NLGN4X: variants seen among roughly 807,000 people sequenced by gnomAD.
NLGN4X encodes neuroligin-4, X-linked.
NLGN4X carries 3 observed loss-of-function variants against 40.3 expected under a neutral mutation model. The ratio of observed to expected loss-of-function variants is 0.07; its 90% CI spans 0.03 to 0.19. The LOEUF (loss-of-function observed/expected upper bound fraction) is 0.19, where lower values mean the gene tolerates loss of function less well. Among genes scored for constraint, NLGN4X ranks in the 10% least tolerant of loss-of-function variants. The pLI is 1.00. For missense variants in NLGN4X, 382 were observed against 708.3 expected, an observed-to-expected ratio of 0.54 and a Z score of 5.23; for synonymous variants, 270 against 306.8, an observed-to-expected ratio of 0.88 and a Z score of 1.25.
chrX:6,003,669 A>C (rs1223042443), intron 3 of NLGN4X, among the ~76,000 whole-genome samples: 1 of 111,200 alleles, frequency 9.0e-6, no homozygotes, highest in East Asian at 2.8e-4. Context: ...AGGAAAACTT[A>C]TTTCTCTTTC....
At chrX:5,994,168 C>T (rs1441167698) in intron 3 of NLGN4X, among the ~76,000 whole-genome samples, 1 of 112,030 alleles carries the variant, frequency 8.9e-6, no homozygotes, top group Non-Finnish European at 1.9e-5. Context: ...GAAATTGCAA[C>T]AGACTGAACT....
At chrX:5,932,471 A>G (rs1472716638) in intron 3 of NLGN4X, among the ~76,000 whole-genome samples, 1 of 111,841 alleles carries the variant, frequency 8.9e-6, no homozygotes, top group African/African-American at 3.2e-5. Flanking sequence ...AAATTCTTCT[A>G]CGTTAAATAT....
In NLGN4X at chrX:6,177,920, G is replaced by C. The variant is rs1921001392; in HGVS notation, c.-305-26149C>G. Among the ~76,000 whole-genome samples, 3 of 110,527 alleles carry C rather than the reference G, an allele frequency of 2.7e-5. No individual in the cohort carries two copies. In the South Asian group the frequency reaches 1.2e-3, roughly 44 times the overall value. On this transcript the variant is annotated intron_variant, in intron 1 of 5. Transcript: ENST00000381095. ...GAATGGGATTAGTGCCCTCATAAAA[G>C]GGAACTCAGCTCCCTCACCCCTTCT...
At chrX:6,174,702 C>T (rs2040684047) in intron 1 of NLGN4X, among the ~76,000 whole-genome samples, 1 of 111,688 alleles carries the variant, frequency 9.0e-6, no homozygotes, top group Non-Finnish European at 1.9e-5. Flanking sequence ...AACAGAAAAC[C>T]AAATACTGCA....
chrX:6,197,419 G>T (rs768678786), intron 1 of NLGN4X, among the ~76,000 whole-genome samples: 1 of 88,128 alleles, frequency 1.1e-5, no homozygotes, highest in South Asian at 4.8e-4. Flanking sequence ...GCACCACCAT[G>T]CTCAGCTATT....
At chrX:6,043,817 T>A (rs916195278) in intron 2 of NLGN4X, among the ~76,000 whole-genome samples, 1 of 111,663 alleles carries the variant, frequency 9.0e-6, no homozygotes, top group African/African-American at 3.3e-5. Flanking sequence ...AGGCAATTGA[T>A]TTCAATTAAG....
At chrX:6,097,354 A>G (rs151179525) in intron 2 of NLGN4X, among the ~76,000 whole-genome samples, 257 of 110,881 alleles carry the variant, frequency 2.3e-3, no homozygotes, top group African/African-American at 7.5e-3. Flanking sequence ...CATTGACAAC[A>G]TTGTTTTCAT....
chrX:6,118,124 CCTCA>C (rs1172025419), intron 2 of NLGN4X, among the ~76,000 whole-genome samples: 4 of 110,087 alleles, frequency 3.6e-5, no homozygotes, highest in Non-Finnish European at 5.7e-5. Flanking sequence ...CTTTCCTCTT[CCTCA>C]CTGTCTTCTC....
rs3220455 is a variant in NLGN4X at position 5,941,180 on chromosome X, GGTGTGTGTGTGTGTGT to G, written c.626-31957_626-31942del. ...CGTTGTTCTGGATCGTATGCTAGGGGGTGTGTGTGTGTGTGTGTGTGTGTGTGTGTGTGTGTGTGTG... is the reference window on the plus strand; with the variant it reads ...CGTTGTTCTGGATCGTATGCTAGGGGGTGTGTGTGTGTGTGTGTGTGTGTG... On this transcript the variant is annotated intron_variant, in intron 3 of 5. Coordinates refer to ENST00000381095, the MANE Select transcript of NLGN4X (RefSeq NM_181332.3). Among the ~76,000 whole-genome samples, 37 of 58,624 alleles carry G rather than the reference GGTGTGTGTGTGTGTGT, an allele frequency of 6.3e-4. No individual in the cohort carries two copies. The Admixed American group carries it at 6.5e-3, about 10-fold the overall frequency. 50.9% of individuals were successfully genotyped at this position (58,624 alleles called of 115,157 possible). A position where few individuals can be genotyped will look rare whatever the true frequency, so the allele number is the denominator to read the frequency against.
chrX:5,892,947 A>T lies in NLGN4X; in HGVS notation c.2321T>A (p.Met774Lys). 1 of 1,211,695 alleles carries T rather than the reference A, an allele frequency of 8.3e-7. No individual in the cohort carries two copies. The highest frequency in any genetic ancestry group is 1.1e-6 in the Non-Finnish European group (1 of 895,561). The change falls in exon 6 of 6, where the codon ATG (methionine) becomes AAG (lysine). Residue 774 changes from methionine (M) to lysine (K), a missense_variant. By Grantham distance (95) the Met-to-Lys change is moderately conservative. Around this residue, in one of 5 missense-constraint regions of NLGN4X, gnomAD observed 57 missense variants for 65.6 expected, o/e 0.87. Coordinates refer to ENST00000381095, the MANE Select transcript of NLGN4X (RefSeq NM_181332.3). The stretch of plus-strand genomic sequence containing the variant: ...AATCATGGTGATGGTGTTTGGCGTC[A>T]TAAGTGGGATGTCATCTGGCGACCG... ...LRRSPDDIPL[M>K]TPNTITMIPN...
At chrX:5,902,960 ATGTGTATGTGTGTGTATGCG>A (rs1490383976) in intron 5 of NLGN4X, 97 bp downstream of exon 5, 10 of 804,886 alleles carry the variant, frequency 1.2e-5, no homozygotes, top group Non-Finnish European at 1.7e-5. Context: ...GTGTGCATGC[ATGTGTATGTGTGTGTATGCG>A]TGTGTGCTCC....
intron 4 of NLGN4X, among the ~76,000 whole-genome samples, chrX:5,908,577 G>C (rs1028820943): frequency 1.8e-5 from 2 of 111,453 alleles, no homozygotes; most frequent in Non-Finnish European, 3.8e-5. Flanking sequence ...TCCAATCATT[G>C]TAACCAACAC....
At chrX:6,101,236 CAGAT>C (rs1003656949) in intron 2 of NLGN4X, among the ~76,000 whole-genome samples, 3 of 111,659 alleles carry the variant, frequency 2.7e-5, no homozygotes, top group Non-Finnish European at 3.8e-5. Context: ...GACAGATAAA[CAGAT>C]GGATGGACAG....
chrX:6,035,218 C>T (rs2036971902), intron 2 of NLGN4X, among the ~76,000 whole-genome samples: 1 of 111,619 alleles, frequency 9.0e-6, no homozygotes, highest in African/African-American at 3.3e-5. Context: ...GGCAAATCTC[C>T]TCTCCCAGTT....
intron 1 of NLGN4X, among the ~76,000 whole-genome samples, chrX:6,172,516 C>T (rs2040629324): frequency 9.0e-6 from 1 of 111,531 alleles, no homozygotes; most frequent in African/African-American, 3.3e-5. Flanking sequence ...ATTTAATTTG[C>T]CTAATATGTC....
intron 2 of NLGN4X, among the ~76,000 whole-genome samples, chrX:6,067,105 T>TTC (rs746400876): frequency 9.8e-6 from 1 of 102,416 alleles, no homozygotes; most frequent in Non-Finnish European, 2.0e-5. Flanking sequence ...TGAGATACAG[T>TTC]CCCCCCCCCA....
chrX:5,938,269 T>C (rs750337009), intron 3 of NLGN4X, among the ~76,000 whole-genome samples: 2 of 111,202 alleles, frequency 1.8e-5, no homozygotes, highest in Admixed American at 9.6e-5. Flanking sequence ...AGATCACTAA[T>C]TGAATGTCAG....
intron 5 of NLGN4X, among the ~76,000 whole-genome samples, chrX:5,894,672 C>A (rs1307122854): frequency 8.9e-6 from 1 of 111,948 alleles, no homozygotes; most frequent in Non-Finnish European, 1.9e-5. Context: ...AACATAGGGC[C>A]TTTAATAAAC....
chrX:6,116,304 A>AAAAAAAAAAC (rs2039286498), intron 2 of NLGN4X, among the ~76,000 whole-genome samples: 1 of 101,236 alleles, frequency 9.9e-6, no homozygotes, highest in African/African-American at 3.6e-5. Context: ...AAAAAAAAAA[A>AAAAAAAAAAC]AAAAAAAAAA....
Sources: allele counts gnomAD v4.1 joint callset (sites outside exome capture counted in the v4.1 genomes callset), GRCh38; gene constraint gnomAD v4.1.1; regional missense constraint gnomAD v4.1.1; transcripts MANE v1.5; gene names NCBI Gene and HGNC (gene_info 2026-07-23, HGNC 2026-07-21).